Variants in PF4 observed in about 807,000 individuals in gnomAD.
PF4 encodes platelet factor 4, also known as C-X-C motif chemokine 4.
PF4 carries 8 observed loss-of-function variants against 6.9 expected under a neutral mutation model. The ratio of observed to expected loss-of-function variants is 1.16; its 90% CI spans 0.68 to 2.09. The LOEUF (loss-of-function observed/expected upper bound fraction) is 2.09, where lower values mean the gene tolerates loss of function less well. Ranked by LOEUF, PF4 falls within the 30% of genes most tolerant of loss-of-function variation. The pLI, the probability that PF4 is intolerant of heterozygous loss-of-function variation, is 0.00. For missense variants in PF4, 111 were observed against 122.9 expected (o/e 0.90, Z 0.46); for synonymous variants, 55 against 56.5 (o/e 0.97, Z 0.12).
In PF4 at chr4:73,981,009, C is replaced by T; in HGVS notation, c.*195G>A. The T allele has an allele frequency of 1.8e-6, 1 of 558,640 alleles. No homozygotes were observed. 34.6% of individuals were successfully genotyped at this position (558,640 alleles called of 1,614,324 possible). A position where few individuals can be genotyped will look rare whatever the true frequency, so the allele number is the denominator to read the frequency against. On this transcript the variant is annotated 3_prime_UTR_variant, in exon 3 of 3. Transcript: ENST00000296029. ...TTAAAATACCGGAATTTTTTTCTTCCATGAAATTGTTATGTGTCAACACAA... is the reference window on the plus strand; with the variant it reads ...TTAAAATACCGGAATTTTTTTCTTCTATGAAATTGTTATGTGTCAACACAA...
At chr4:73,981,697 A>G (rs937023252) in intron 1 of PF4, 154 bp from the exon 2 acceptor site, 1 of 985,268 alleles carries the variant, frequency 1.0e-6, no homozygotes, top group Non-Finnish European at 1.2e-6. Context: ...TGTTCTAACC[A>G]GGTGGGAGGT....
At chr4:73,981,326 T>A in intron 2 of PF4, 35 bp from the exon 3 acceptor site, 1 of 1,614,056 alleles carries the variant, frequency 6.2e-7, no homozygotes, top group Non-Finnish European at 8.5e-7. Flanking sequence ...TGACTTTCAG[T>A]CCTTGGGTTT....
upstream of PF4, chr4:73,982,037 G>C (rs1718818373): frequency 8.9e-7 from 1 of 1,126,584 alleles, no homozygotes. Flanking sequence ...TGACTCCTGA[G>C]CCTCGCCGGC....
intron 2 of PF4, 41 bp downstream of exon 2, chr4:73,981,376 C>T (rs1350096139): frequency 6.2e-7 from 1 of 1,613,974 alleles, no homozygotes; most frequent in Non-Finnish European, 8.5e-7. Flanking sequence ...GCAGAGGAGG[C>T]ACGGAGCGGG....
At position 73,981,559 on chromosome 4, in the gene PF4, A is replaced by G. The variant is rs771826260; in HGVS notation, c.92-16T>C. The G allele has an allele frequency of 6.8e-6, 11 of 1,606,560 alleles. No individual in the cohort carries two copies. The highest frequency in any genetic ancestry group is 9.4e-6 in the Non-Finnish European group (11 of 1,176,150). On this transcript the variant is annotated splice_polypyrimidine_tract_variant and intron_variant, in intron 1 of 2. Transcript: ENST00000296029. The stretch of plus-strand genomic sequence containing the variant: ...TCAGCTTCAGCTGAGGGGGAAATGG[A>G]GAGGGTAAGAGAGGAGGAGGGGAGG...
rs1367975452 is a variant in PF4, at chr4:73,981,437, G to A, written c.198C>T (p.His66=). The A allele has an allele frequency of 5.0e-6, 8 of 1,614,116 alleles. No homozygotes were observed. The highest frequency in any genetic ancestry group is 4.0e-5 in the African/African-American group (3 of 74,952). ...CTCACATCAGTTGGGCAGTGGGGCA[G>A]TGGGGTCCGGCCTTGATCACCTCCA... ...TSLEVIKAGP[H]CPTAQLIATL... is the part of the protein sequence containing the mutation. Residue 66 remains histidine, a synonymous_variant, in exon 2 of 3, where the codon CAC becomes CAT. Transcript: ENST00000296029.
Position 73,981,227 on chromosome 4 carries a change from T to C in PF4, c.283A>G (p.Ile95Val). 1 of 1,614,170 alleles carries C rather than the reference T, an allele frequency of 6.2e-7. No homozygotes were observed. Among genetic ancestry groups the C allele is most frequent in the Non-Finnish European group, 8.5e-7 (1 of 1,179,966 alleles). The change falls in exon 3 of 3, where the codon ATT (isoleucine) becomes GTT (valine). Residue 95 changes from isoleucine to valine, a missense_variant. By Grantham distance (29) the Ile-to-Val change is conservative. Coordinates refer to ENST00000296029, the MANE Select transcript of PF4 (RefSeq NM_002619.4). ...AGCTAACTCTCCAAAAGTTTCTTAA[T>C]TATTTTCTTGTACAGCGGGGCTTGC... The part of the protein sequence containing the change: ...DLQAPLYKKI[I>V]KKLLES
chr4:73,981,305 G>A lies in PF4; in HGVS notation c.219-14C>T. 2 of 1,614,172 alleles carry A rather than the reference G, an allele frequency of 1.2e-6. No individual in the cohort carries two copies. ...TTCAGCGTGGCTCTGGCAGGGAAAAGAGAAGAGATGTGACTTTCAGTCCTT... is the reference window on the plus strand; with the variant it reads ...TTCAGCGTGGCTCTGGCAGGGAAAAAAGAAGAGATGTGACTTTCAGTCCTT... On this transcript the variant is annotated splice_polypyrimidine_tract_variant and intron_variant, in intron 2 of 2. Transcript: ENST00000296029.
At chr4:73,981,329 T>G (rs757166987) in intron 2 of PF4, 38 bp from the exon 3 acceptor site, 1 of 1,614,016 alleles carries the variant, frequency 6.2e-7, no homozygotes, top group East Asian at 2.2e-5. Flanking sequence ...CTTTCAGTCC[T>G]TGGGTTTGCA....
At chr4:73,981,685 G>C in intron 1 of PF4, 142 bp from the exon 2 acceptor site, 1 of 1,477,870 alleles carries the variant, frequency 6.8e-7, no homozygotes, top group Non-Finnish European at 9.0e-7. Context: ...CCAGACAGAA[G>C]TTGTTCTAAC....
At position 73,981,751 on chromosome 4, in the gene PF4, C is replaced by T. The variant is rs1718802601; in HGVS notation, c.91+112G>A. 4.1e-6 allele frequency: 6 copies of T among 1,480,436 alleles called. No homozygotes were observed. In the South Asian group the frequency reaches 5.5e-5, roughly 14 times the overall value. The allele number at this position is 1,480,436 out of a possible 1,614,324, so 91.7% of individuals were successfully genotyped here. A position where few individuals can be genotyped will look rare whatever the true frequency, so the allele number is the denominator to read the frequency against. ...ACTGTGGCCAGACACTCAGCAGGCT[C>T]TCCGTTAAGTGTGGCTGTGATCATG... On this transcript the variant is annotated intron_variant, in intron 1 of 2. Coordinates refer to ENST00000296029, the MANE Select transcript of PF4 (RefSeq NM_002619.4).
In PF4 at chr4:73,982,026, A is replaced by G. The variant is rs1718817770; in HGVS notation, c.-73T>C. Reference sequence around the variant, plus strand: ...AACTCGGGCTGGGTCTCTGTGGCCAATGACTCCTGAGCCTCGCCGGCACGT... The same window carrying G: ...AACTCGGGCTGGGTCTCTGTGGCCAGTGACTCCTGAGCCTCGCCGGCACGT... On this transcript the variant is annotated 5_prime_UTR_variant, in exon 1 of 3. Transcript: ENST00000296029. 7.9e-7 allele frequency: 1 copy of G among 1,270,820 alleles called. No individual in the cohort carries two copies. The highest frequency in any genetic ancestry group is 1.1e-6 in the Non-Finnish European group (1 of 897,234). 78.7% of individuals were successfully genotyped at this position (1,270,820 alleles called of 1,614,324 possible).
At chr4:73,981,716 A>T (rs1256355359) in intron 1 of PF4, 147 bp downstream of exon 1, 6 of 1,473,434 alleles carry the variant, frequency 4.1e-6, no homozygotes, top group Admixed American at 2.4e-5. Context: ...GTGCAGGTGC[A>T]GCGCCTGGCA....
rs772670974 is a variant in PF4, at chr4:73,981,897, C to T, written c.57G>A (p.Leu19=). 6.4e-6 allele frequency: 10 copies of T among 1,551,330 alleles called. No homozygotes were observed. The highest frequency in any genetic ancestry group is 8.7e-6 in the Non-Finnish European group (10 of 1,146,944). Residue 19 remains leucine (L), a synonymous_variant, in exon 1 of 3, where the codon TTG becomes TTA. Coordinates refer to ENST00000296029, the MANE Select transcript of PF4 (RefSeq NM_002619.4). Reference sequence around the variant, plus strand: ...AGGCGACCACAAGTGGCAGGAGCAGCAACCCCAGGAACAGCAGCCCGGGGC... The same window carrying T: ...AGGCGACCACAAGTGGCAGGAGCAGTAACCCCAGGAACAGCAGCCCGGGGC... ...ASRPGLLFLG[L]LLLPLVVAFA...
Position 73,981,171 on chromosome 4 carries a change from T to C in PF4, c.*33A>G, listed in dbSNP as rs773161274. The C allele has an allele frequency of 7.1e-5, 102 of 1,427,632 alleles. No individual in the cohort carries two copies. Among genetic ancestry groups the C allele is most frequent in the Non-Finnish European group, 9.0e-5 (91 of 1,010,010 alleles). 88.4% of individuals were successfully genotyped at this position (1,427,632 alleles called of 1,614,324 possible). A position where few individuals can be genotyped will look rare whatever the true frequency, so the allele number is the denominator to read the frequency against. ...GAAACTGGAAAAAAGAAGTATGCTA[T>C]ATAGCAAATGCACACACGTAGGCAG... On this transcript the variant is annotated 3_prime_UTR_variant, in exon 3 of 3. Transcript: ENST00000296029.
At chr4:73,981,583 G>A in intron 1 of PF4, 40 bp from the exon 2 acceptor site, 1 of 1,589,762 alleles carries the variant, frequency 6.3e-7, no homozygotes, top group Non-Finnish European at 8.6e-7. Context: ...GAGGAGGGGA[G>A]GGAGTGGTGA....
chr4:73,981,430 T>A lies in PF4; in HGVS notation c.205A>T (p.Thr69Ser), dbSNP rs370792656. The change falls in exon 2 of 3, where the codon ACT becomes TCT. Residue 69 changes from threonine to serine, a missense_variant. By Grantham distance (58) the Thr-to-Ser change is moderately conservative. Coordinates refer to ENST00000296029, the MANE Select transcript of PF4 (RefSeq NM_002619.4). ...GCAAGGACTCACATCAGTTGGGCAG[T>A]GGGGCAGTGGGGTCCGGCCTTGATC... The part of the protein sequence containing the change: ...EVIKAGPHCP[T>S]AQLIATLKNG... The A allele has an allele frequency of 6.2e-7, 1 of 1,613,966 alleles. No homozygotes were observed. Among genetic ancestry groups the A allele is most frequent in the Non-Finnish European group, 8.5e-7 (1 of 1,179,984 alleles).
At chr4:73,981,327 C>T in intron 2 of PF4, 36 bp from the exon 3 acceptor site, 8 of 1,614,030 alleles carry the variant, frequency 5.0e-6, no homozygotes, top group Non-Finnish European at 6.8e-6. Flanking sequence ...GACTTTCAGT[C>T]CTTGGGTTTG....
At chr4:73,981,811 C>T in intron 1 of PF4, 52 bp downstream of exon 1, 1 of 1,543,730 alleles carries the variant, frequency 6.5e-7, no homozygotes, top group South Asian at 1.2e-5. Context: ...CCAGGGCTTC[C>T]CGGACTCCCC....
Sources: gnomAD v4.1 joint callset for allele counts on GRCh38, gnomAD v4.1.1 for gene constraint, MANE v1.5 for transcripts, NCBI Gene and HGNC (gene_info 2026-07-23, HGNC 2026-07-21) for gene names.